The following FAT4 variants were observed in gnomAD, a reference collection of about 807,000 sequenced individuals.
The protein encoded by FAT4 is FAT atypical cadherin 4.
FAT4 carries 84 observed loss-of-function variants against 303.9 expected under a neutral mutation model. The ratio of observed to expected loss-of-function variants is 0.28; its 90% CI spans 0.23 to 0.33. The LOEUF is 0.33. Ranked by LOEUF, FAT4 falls within the 10% of genes least tolerant of loss-of-function variation. The pLI is 1.00. For synonymous variants in FAT4, 2,307 were observed against 2,298.8 expected, an observed-to-expected ratio of 1.00 and a Z score of -0.10; for missense variants, 6,005 against 6,146.8, an observed-to-expected ratio of 0.98 and a Z score of 0.77.
Position 125,481,534 on chromosome 4 carries a change from C to A in FAT4, c.12618C>A (p.Asp4206Glu). 1 of 1,613,892 alleles carries A rather than the reference C, an allele frequency of 6.2e-7. No individual in the cohort carries two copies. Among genetic ancestry groups the A allele is most frequent in the Non-Finnish European group, 8.5e-7 (1 of 1,179,866 alleles). Residue 4206 changes from aspartate (D) to glutamate (E), a missense_variant, in exon 16 of 18, where the codon GAC becomes GAA. By Grantham distance (45) the Asp-to-Glu change is conservative. Coordinates refer to ENST00000394329, the MANE Select transcript of FAT4 (RefSeq NM_001291303.3). ...TTTGACTTCCAGCTGTTACTCCTGA[C>A]ACTGCCTTATCATTAGAAGGCAAAG... ...GKYCEKSVTPDTALSLEGKGR... is the reference protein window; with the variant it reads ...GKYCEKSVTPETALSLEGKGR...
At chr4:125,360,173 C>T (rs964038343) in intron 2 of FAT4, among the ~76,000 whole-genome samples, 6 of 152,104 alleles carry the variant, frequency 3.9e-5, no homozygotes, top group African/African-American at 1.4e-4. Context: ...CGCAATATTT[C>T]CTCCTTTACG....
intron 10 of FAT4, 71 bp downstream of exon 10, chr4:125,452,881 A>C: frequency 6.8e-7 from 1 of 1,481,302 alleles, no homozygotes; most frequent in Non-Finnish European, 9.1e-7. Context: ...AAATAATTTT[A>C]TCATTTTCCA....
intron 2 of FAT4, among the ~76,000 whole-genome samples, chr4:125,381,210 A>C (rs1392923278): frequency 1.3e-5 from 2 of 152,202 alleles, no homozygotes; most frequent in Non-Finnish European, 2.9e-5. Flanking sequence ...TAGAAGAGAC[A>C]AAAAGAAAAA....
In FAT4 at chr4:125,440,222, T is replaced by C. The variant is rs556362765; in HGVS notation, c.7199+5797T>C. The stretch of plus-strand genomic sequence containing the variant: ...TGGCTGCTTTTACTCATTCTATTTT[T>C]ACTACAACATTCTTGAAAGCTTCAC... On this transcript the variant is annotated intron_variant, in intron 8 of 17. Coordinates refer to ENST00000394329, the MANE Select transcript of FAT4 (RefSeq NM_001291303.3). Among the ~76,000 whole-genome samples the C allele has an allele frequency of 1.3e-4, 20 of 152,302 alleles. No homozygotes were observed. The East Asian group carries it at 3.9e-3, about 29-fold the overall frequency.
Position 125,407,739 on chromosome 4 carries a change from A to G in FAT4, c.5569+598A>G, listed in dbSNP as rs568047421. 3.6e-3 allele frequency among the ~76,000 whole-genome samples: 555 copies of G among 152,148 alleles called. 5 individuals carry two copies. Among genetic ancestry groups the G allele is most frequent in the African/African-American group, 0.012 (518 of 41,538 alleles). ...ATAATCTTGCTTCTTTGAACATATT[A>G]TATTGTGATTTTTTTTAGTCTGAGT... On this transcript the variant is annotated intron_variant, in intron 4 of 17. Transcript: ENST00000394329.
chr4:125,317,098 G>A lies in FAT4; in HGVS notation c.687G>A (p.Lys229=), dbSNP rs1234897634. ...AGGTGGAGGACAAGGGTGAGCCTAA[G>A]CGGCGGGGCTACCTTCAGGTAAACG... ...LVEVEDKGEP[K]RRGYLQVNVT... is the part of the protein sequence containing the mutation. The change falls in exon 2 of 18, where the codon AAG becomes AAA. Residue 229 remains lysine, a synonymous_variant. Coordinates refer to ENST00000394329, the MANE Select transcript of FAT4 (RefSeq NM_001291303.3). This position sits in a 1 kb window ranked among gnomAD's most constrained non-coding sequence, Gnocchi z 7.0. The A allele has an allele frequency of 6.2e-7, 1 of 1,613,932 alleles. No homozygotes were observed. The highest frequency in any genetic ancestry group is 1.7e-5 in the Admixed American group (1 of 60,028).
At chr4:125,439,259 ATTC>A (rs1405601130) in intron 8 of FAT4, among the ~76,000 whole-genome samples, 1 of 151,944 alleles carries the variant, frequency 6.6e-6, no homozygotes, top group Non-Finnish European at 1.5e-5. Flanking sequence ...CCCACTTCTA[ATTC>A]TTCTGTATCA....
chr4:125,317,437 G>C lies in FAT4; in HGVS notation c.1026G>C (p.Gln342His), dbSNP rs1730663489. Residue 342 changes from glutamine (Q) to histidine (H), a missense_variant, in exon 2 of 18, where the codon CAG becomes CAC. Coordinates refer to ENST00000394329, the MANE Select transcript of FAT4 (RefSeq NM_001291303.3). This position sits in a 1 kb window ranked among gnomAD's most constrained non-coding sequence, Gnocchi z 7.0. ...SLTGRAEALIQLLDVNDNDPV... is the reference protein window; with the variant it reads ...SLTGRAEALIHLLDVNDNDPV... Reference sequence around the variant, plus strand: ...CTGGGCGCGCCGAGGCGCTGATTCAGCTGCTGGACGTGAATGACAATGACC... The same window carrying C: ...CTGGGCGCGCCGAGGCGCTGATTCACCTGCTGGACGTGAATGACAATGACC... The C allele has an allele frequency of 4.3e-6, 7 of 1,613,638 alleles. No homozygotes were observed. The highest frequency in any genetic ancestry group is 5.9e-6 in the Non-Finnish European group (7 of 1,180,050).
At chr4:125,431,440 G>A (rs1204331012) in intron 7 of FAT4, among the ~76,000 whole-genome samples, 1 of 152,164 alleles carries the variant, frequency 6.6e-6, no homozygotes, top group East Asian at 1.9e-4. Context: ...ATATGAGACT[G>A]AATTGAAAGG....
intron 2 of FAT4, among the ~76,000 whole-genome samples, chr4:125,322,786 C>G (rs911938808): frequency 6.6e-6 from 1 of 151,270 alleles, no homozygotes; most frequent in Non-Finnish European, 1.5e-5. Context: ...TTGGTTATGT[C>G]TATCTATGGA....
intron 2 of FAT4, among the ~76,000 whole-genome samples, chr4:125,363,507 A>AT (rs1447882404): frequency 2.0e-5 from 3 of 150,918 alleles, no homozygotes; most frequent in Non-Finnish European, 4.4e-5. Flanking sequence ...TTATATATAT[A>AT]TTTTTTTGAG....
chr4:125,491,407 T>A lies in FAT4; in HGVS notation c.14591T>A (p.Val4864Glu). Residue 4864 changes from valine (V) to glutamate (E), a missense_variant, in exon 18 of 18, where the codon GTA becomes GAA. Transcript: ENST00000394329. ...GAATATGACAGGGAGAAGCCAATGG[T>A]ATATACTTCCAGAATGCCCAAATTA... Reference protein sequence around the residue: ...EMEYDREKPMVYTSRMPKLSQ... With the variant: ...EMEYDREKPMEYTSRMPKLSQ... 6.2e-7 allele frequency: 1 copy of A among 1,614,076 alleles called. No individual in the cohort carries two copies. The highest frequency in any genetic ancestry group is 8.5e-7 in the Non-Finnish European group (1 of 1,179,970).
At position 125,478,129 on chromosome 4, in the gene FAT4, T is replaced by C. The variant is rs182535825; in HGVS notation, c.12479+795T>C. Among the ~76,000 whole-genome samples, 512 of 152,296 alleles carry C rather than the reference T, an allele frequency of 3.4e-3. 2 individuals carry two copies. The highest frequency in any genetic ancestry group is 0.011 in the African/African-American group (453 of 41,576). On this transcript the variant is annotated intron_variant, in intron 14 of 17. Coordinates refer to ENST00000394329, the MANE Select transcript of FAT4 (RefSeq NM_001291303.3). ...TCACAAAAATCTTTGCTCACATTAT[T>C]TTTTGGATGAGATTACCAGAAATAA...
At chr4:125,475,128 T>C (rs1726984040) in intron 12 of FAT4, among the ~76,000 whole-genome samples, 1 of 152,134 alleles carries the variant, frequency 6.6e-6, no homozygotes, top group Non-Finnish European at 1.5e-5. Context: ...TAATGAATTA[T>C]TGCTATTCCT....
intron 10 of FAT4, among the ~76,000 whole-genome samples, chr4:125,454,864 A>G (rs953144072): frequency 3.2e-4 from 49 of 152,292 alleles, no homozygotes; most frequent in African/African-American, 1.2e-3. Context: ...CACGTGGTAC[A>G]CTGTGCAGTA....
At chr4:125,477,816 T>G (rs1198881550) in intron 14 of FAT4, among the ~76,000 whole-genome samples, 10 of 152,132 alleles carry the variant, frequency 6.6e-5, no homozygotes, top group Non-Finnish European at 1.5e-5. Flanking sequence ...TTTTATTTGA[T>G]TATTAATTAG....
At chr4:125,365,527 A>G (rs540679370) in intron 2 of FAT4, among the ~76,000 whole-genome samples, 1 of 152,258 alleles carries the variant, frequency 6.6e-6, no homozygotes, top group East Asian at 1.9e-4. Context: ...TGTTTCCAAT[A>G]GTCTAATTAG....
intron 2 of FAT4, among the ~76,000 whole-genome samples, chr4:125,326,168 A>G (rs1291156465): frequency 6.6e-6 from 1 of 152,132 alleles, no homozygotes; most frequent in Non-Finnish European, 1.5e-5. Flanking sequence ...GAGTTTTAGC[A>G]ATCTGATAAT....
chr4:125,443,356 C>G (rs1014400849), intron 8 of FAT4, among the ~76,000 whole-genome samples: 1 of 152,118 alleles, frequency 6.6e-6, no homozygotes, highest in Non-Finnish European at 1.5e-5. Flanking sequence ...ACAACTTGAG[C>G]AAGAGTCCAT....
Sources: allele counts gnomAD v4.1 joint callset (sites outside exome capture counted in the v4.1 genomes callset), GRCh38; gene constraint gnomAD v4.1.1; non-coding constraint Gnocchi (gnomAD v3.1); transcripts MANE v1.5; gene names NCBI Gene and HGNC (gene_info 2026-07-23, HGNC 2026-07-21).